The following ARHGAP12 variants were observed in gnomAD, a reference collection of about 807,000 sequenced individuals.
ARHGAP12 encodes the protein rho GTPase-activating protein 12.
Under a neutral mutation model 108.6 loss-of-function variants are expected in ARHGAP12, and 64 were observed. The ratio of observed to expected loss-of-function variants is 0.59; its 90% CI spans 0.48 to 0.73. The LOEUF (loss-of-function observed/expected upper bound fraction) is 0.73. ARHGAP12 is among the 30% of genes least tolerant of loss of function. The probability of loss-of-function intolerance (pLI) is 0.00; values close to 1 mark genes in which losing one functional copy is unlikely to be tolerated. For synonymous variants in ARHGAP12, 312 were observed against 337.2 expected, an observed-to-expected ratio of 0.93 and a Z score of 0.82; for missense variants, 940 against 1,005.9, an observed-to-expected ratio of 0.93 and a Z score of 0.89.
At chr10:31,859,677 C>A (rs145512003) in intron 4 of ARHGAP12, among the ~76,000 whole-genome samples, 2 of 152,116 alleles carry the variant, frequency 1.3e-5, no homozygotes, top group African/African-American at 2.4e-5. Context: ...ACTTCAAATT[C>A]TTTTAGTCTA....
At chr10:31,877,061 T>C (rs995762062) in intron 3 of ARHGAP12, among the ~76,000 whole-genome samples, 6 of 152,196 alleles carry the variant, frequency 3.9e-5, no homozygotes, top group African/African-American at 1.2e-4. Context: ...TCATCAGGCA[T>C]CTCAATATCC....
intron 10 of ARHGAP12, among the ~76,000 whole-genome samples, chr10:31,829,376 G>A (rs1334879213): frequency 2.0e-5 from 3 of 152,194 alleles, no homozygotes; most frequent in Non-Finnish European, 2.9e-5. Context: ...TCAGCGTTAT[G>A]AGATGAAAAG....
intron 13 of ARHGAP12, among the ~76,000 whole-genome samples, 191 bp downstream of exon 13, chr10:31,817,597 T>C (rs1290721361): frequency 6.6e-6 from 1 of 152,178 alleles, no homozygotes; most frequent in Non-Finnish European, 1.5e-5. Context: ...AAACATCACA[T>C]AAGTGAGAAT....
chr10:31,843,615 A>G, intron 6 of ARHGAP12, 29 bp from the exon 7 acceptor site: 1 of 1,565,050 alleles, frequency 6.4e-7, no homozygotes, highest in Non-Finnish European at 8.6e-7. Context: ...AAAAACACAA[A>G]AAACAGTTCA....
At chr10:31,917,812 A>G (rs1340279871) in intron 1 of ARHGAP12, among the ~76,000 whole-genome samples, 1 of 152,242 alleles carries the variant, frequency 6.6e-6, no homozygotes, top group African/African-American at 2.4e-5. Flanking sequence ...TACTTCAAAT[A>G]AACATTGGGA....
chr10:31,891,572 T>C (rs992366684), intron 3 of ARHGAP12, among the ~76,000 whole-genome samples: 1 of 151,712 alleles, frequency 6.6e-6, no homozygotes, highest in African/African-American at 2.4e-5. Flanking sequence ...GAGTTGCTCT[T>C]CTCGAGGAGT....
Position 31,889,115 on chromosome 10 carries a change from T to C in ARHGAP12, c.684+19057A>G, listed in dbSNP as rs558367739. On this transcript the variant is annotated intron_variant, in intron 3 of 19. Coordinates refer to ENST00000344936, the MANE Select transcript of ARHGAP12 (RefSeq NM_018287.7). ...TTAGTAGAGACAGGGTTTCGCCATT[T>C]TGGCCAGGCTGGTCTCGAACTCCTG... is the stretch of plus-strand genomic sequence containing the variant. Among the ~76,000 whole-genome samples, 17 of 152,334 alleles carry C rather than the reference T, an allele frequency of 1.1e-4. No individual in the cohort carries two copies. The East Asian group carries it at 3.3e-3, about 29-fold the overall frequency.
intron 4 of ARHGAP12, among the ~76,000 whole-genome samples, chr10:31,855,833 T>G (rs890013205): frequency 4.6e-5 from 7 of 152,192 alleles, no homozygotes; most frequent in Admixed American, 1.3e-4. Flanking sequence ...TGTTCTACCA[T>G]GAAAAGTAAC....
Position 31,826,356 on chromosome 10 carries a change from A to G in ARHGAP12, c.1478T>C (p.Leu493Ser), listed in dbSNP as rs1195903798. The G allele has an allele frequency of 6.2e-7, 1 of 1,612,382 alleles. No homozygotes were observed. The stretch of plus-strand genomic sequence containing the variant: ...GGTAAAAAGTAAAGATGAACCCTGC[A>G]ACACCGCCCAAGAAGACAACCAGTT... ...RKNWLSSWAV[L>S]QGSSLLFTKT... Residue 493 changes from leucine (L) to serine (S), a missense_variant, in exon 11 of 20, where the codon TTG becomes TCG. Leu to Ser is a moderately radical substitution (Grantham distance 145). Coordinates refer to ENST00000344936, the MANE Select transcript of ARHGAP12 (RefSeq NM_018287.7).
chr10:31,918,731 T>C (rs1564435323), intron 1 of ARHGAP12, among the ~76,000 whole-genome samples: 1 of 152,112 alleles, frequency 6.6e-6, no homozygotes, highest in Non-Finnish European at 1.5e-5. Flanking sequence ...ACTAAATAAA[T>C]AACAAATGTT....
At chr10:31,858,639 AC>A (rs1199835477) in intron 4 of ARHGAP12, among the ~76,000 whole-genome samples, 1 of 152,180 alleles carries the variant, frequency 6.6e-6, no homozygotes, top group Non-Finnish European at 1.5e-5. Context: ...TTCGGACTTT[AC>A]CAAATGTCCC....
chr10:31,882,799 C>G (rs971050602), intron 3 of ARHGAP12, among the ~76,000 whole-genome samples: 6 of 132,684 alleles, frequency 4.5e-5, no homozygotes, highest in Non-Finnish European at 7.9e-5. Flanking sequence ...GGAAACAGAG[C>G]AAGACTCTGT....
At chr10:31,849,359 T>C (rs796614135) in intron 6 of ARHGAP12, among the ~76,000 whole-genome samples, 69 of 152,346 alleles carry the variant, frequency 4.5e-4, no homozygotes, top group African/African-American at 1.4e-3. Flanking sequence ...ACATGTTTCT[T>C]CTTTCCAAAC....
chr10:31,898,711 T>A (rs1442661398), intron 3 of ARHGAP12, among the ~76,000 whole-genome samples: 2 of 152,160 alleles, frequency 1.3e-5, no homozygotes, highest in Admixed American at 6.5e-5. Context: ...CTGCCTACAG[T>A]ATTCAGGACA....
chr10:31,854,332 G>T, intron 4 of ARHGAP12, 126 bp from the exon 5 acceptor site: 1 of 850,318 alleles, frequency 1.2e-6, no homozygotes. Flanking sequence ...CTGAATATTT[G>T]ATTTTGAAAA....
chr10:31,815,736 T>G (rs1835178527), intron 13 of ARHGAP12, among the ~76,000 whole-genome samples: 1 of 152,238 alleles, frequency 6.6e-6, no homozygotes, highest in Non-Finnish European at 1.5e-5. Context: ...TAGGTTTTAT[T>G]CAGTGTCTCT....
chr10:31,811,325 C>A (rs1835008520), intron 15 of ARHGAP12, among the ~76,000 whole-genome samples: 1 of 152,198 alleles, frequency 6.6e-6, no homozygotes, highest in African/African-American at 2.4e-5. Context: ...GTCCGTCCAT[C>A]ACGTACCAAC....
chr10:31,923,079 T>C (rs1839884617), intron 1 of ARHGAP12, among the ~76,000 whole-genome samples: 2 of 136,174 alleles, frequency 1.5e-5, no homozygotes. Flanking sequence ...TGCAGTGAAC[T>C]GTGAACATGC....
intron 1 of ARHGAP12, among the ~76,000 whole-genome samples, chr10:31,922,859 A>T (rs544845793): frequency 1.9e-3 from 290 of 152,280 alleles, no homozygotes; most frequent in Non-Finnish European, 3.5e-3. Context: ...TAGGCAAGGT[A>T]GCTCACACCT....
Sources: allele counts gnomAD v4.1 joint callset (sites outside exome capture counted in the v4.1 genomes callset), GRCh38; gene constraint gnomAD v4.1.1; transcripts MANE v1.5; gene names NCBI Gene and HGNC (gene_info 2026-07-23, HGNC 2026-07-21).